STK31: variants seen among roughly 807,000 people sequenced by gnomAD.
STK31 encodes the protein serine/threonine-protein kinase 31.
In STK31, 89 loss-of-function variants were observed where a neutral mutation model predicts 129.7. That is an observed-to-expected ratio of 0.69 (90% CI 0.58 to 0.82). The LOEUF is 0.82. Ranked by LOEUF, STK31 falls within the 40% of genes least tolerant of loss-of-function variation. The pLI is 0.00. For missense variants in STK31, 1,187 were observed against 1,176.4 expected (o/e 1.01, Z -0.13); for synonymous variants, 448 against 395.3 (o/e 1.13, Z -1.58).
chr7:23,761,251 G>A (rs555576734), intron 10 of STK31, among the ~76,000 whole-genome samples: 1 of 151,896 alleles, frequency 6.6e-6, no homozygotes, highest in Admixed American at 6.6e-5. Context: ...CGGACTTAAA[G>A]TTTACTTGAT....
At chr7:23,733,970 G>A (rs866085791) in intron 6 of STK31, among the ~76,000 whole-genome samples, 2 of 151,964 alleles carry the variant, frequency 1.3e-5, no homozygotes, top group Non-Finnish European at 2.9e-5. Context: ...TTCCTACATC[G>A]GTCTCAATTT....
At chr7:23,727,853 C>T (rs1461703533) in intron 5 of STK31, among the ~76,000 whole-genome samples, 1 of 151,910 alleles carries the variant, frequency 6.6e-6, no homozygotes, top group East Asian at 1.9e-4. Context: ...AGCCACTGTG[C>T]CCAGCCTGCC....
chr7:23,715,665 G>T (rs139884572), intron 3 of STK31, among the ~76,000 whole-genome samples: 204 of 152,072 alleles, frequency 1.3e-3, no homozygotes, highest in Admixed American at 3.0e-3. Flanking sequence ...TGATTCCAGG[G>T]GTTTGTTCAC....
intron 10 of STK31, among the ~76,000 whole-genome samples, chr7:23,760,944 G>A (rs996432929): frequency 6.6e-6 from 1 of 152,166 alleles, no homozygotes; most frequent in Non-Finnish European, 1.5e-5. Context: ...GGGATTGCAA[G>A]TGTTAGCTAC....
chr7:23,830,724 A>G (rs1251098626), intron 23 of STK31, among the ~76,000 whole-genome samples: 2 of 151,664 alleles, frequency 1.3e-5, no homozygotes, highest in Non-Finnish European at 2.9e-5. Context: ...GGTACAAGCA[A>G]TTCTCCTGCC....
chr7:23,794,073 T>G lies in STK31; in HGVS notation c.2760+3127T>G, dbSNP rs578174133. On this transcript the variant is annotated intron_variant, in intron 22 of 23. Coordinates refer to ENST00000355870, the MANE Select transcript of STK31 (RefSeq NM_031414.5). The stretch of plus-strand genomic sequence containing the variant: ...GAATAAAACGATTGAACTATAAATA[T>G]AACTCAGTAAGATAGGTGAGTCTTA... Among the ~76,000 whole-genome samples, 3 of 152,314 alleles carry G rather than the reference T, an allele frequency of 2.0e-5. No individual in the cohort carries two copies. The East Asian group carries it at 5.8e-4, about 29-fold the overall frequency.
At position 23,718,541 on chromosome 7, in the gene STK31, T is replaced by G. The variant is rs188745883; in HGVS notation, c.249+962T>G. Among the ~76,000 whole-genome samples, 7 of 152,246 alleles carry G rather than the reference T, an allele frequency of 4.6e-5. No individual in the cohort carries two copies. In the East Asian group the frequency reaches 1.4e-3, roughly 29 times the overall value. ...TCTCCATCAGAGGTATAACCCTCAT[T>G]TTGATACTATCACCATAGATTCGTA... On this transcript the variant is annotated intron_variant, in intron 4 of 23. Transcript: ENST00000355870.
intron 22 of STK31, among the ~76,000 whole-genome samples, chr7:23,792,192 A>C (rs1475754263): frequency 6.6e-6 from 1 of 152,188 alleles, no homozygotes; most frequent in Non-Finnish European, 1.5e-5. Context: ...TGAAGAAATA[A>C]AGCTGTCTTT....
intron 4 of STK31, among the ~76,000 whole-genome samples, chr7:23,724,732 G>A (rs377314564): frequency 2.0e-5 from 3 of 152,208 alleles, no homozygotes; most frequent in Non-Finnish European, 4.4e-5. Flanking sequence ...AGAGAGTACC[G>A]TACTATTACT....
At chr7:23,766,866 C>A (rs1349400396) in intron 11 of STK31, among the ~76,000 whole-genome samples, 1 of 151,946 alleles carries the variant, frequency 6.6e-6, no homozygotes, top group Admixed American at 6.6e-5. Context: ...TGTTTAAAAT[C>A]TTTTTATCTT....
intron 23 of STK31, among the ~76,000 whole-genome samples, chr7:23,831,032 G>A (rs891844274): frequency 1.3e-5 from 2 of 152,122 alleles, no homozygotes; most frequent in East Asian, 3.8e-4. Context: ...TTTGAGCTTT[G>A]TTTTGTGGCT....
At chr7:23,733,944 A>C (rs942013239) in intron 6 of STK31, among the ~76,000 whole-genome samples, 5 of 152,234 alleles carry the variant, frequency 3.3e-5, no homozygotes. Context: ...CCCCATGGCC[A>C]CAAAAAGGTT....
At chr7:23,751,720 A>AT (rs886785159) in intron 8 of STK31, among the ~76,000 whole-genome samples, 21 of 152,026 alleles carry the variant, frequency 1.4e-4, no homozygotes, top group African/African-American at 5.1e-4. Context: ...AGATTTTGTG[A>AT]TTTTTTTAAA....
intron 15 of STK31, among the ~76,000 whole-genome samples, chr7:23,776,974 C>T (rs1042638301): frequency 1.3e-5 from 2 of 152,104 alleles, no homozygotes; most frequent in African/African-American, 4.8e-5. Flanking sequence ...TATAAATTTC[C>T]CTCTAAACAC....
At chr7:23,757,231 A>G (rs1483313948) in intron 10 of STK31, among the ~76,000 whole-genome samples, 1 of 152,022 alleles carries the variant, frequency 6.6e-6, no homozygotes, top group Non-Finnish European at 1.5e-5. Flanking sequence ...GCCCCTGCAC[A>G]CCTGTGGGCG....
At chr7:23,806,392 T>C (rs1036023708) in intron 22 of STK31, among the ~76,000 whole-genome samples, 3 of 152,164 alleles carry the variant, frequency 2.0e-5, no homozygotes, top group Middle Eastern at 3.2e-3. Flanking sequence ...TGCTGTCCTT[T>C]CTTGAGGACC....
At chr7:23,715,636 A>T (rs190945367) in intron 3 of STK31, among the ~76,000 whole-genome samples, 17 of 152,190 alleles carry the variant, frequency 1.1e-4, no homozygotes, top group Admixed American at 9.8e-4. Context: ...GTGAAAAAAT[A>T]TAGTTATATG....
At chr7:23,771,304 ATATTT>A (rs1790177412) in intron 14 of STK31, 180 bp downstream of exon 14, 1 of 485,890 alleles carries the variant, frequency 2.1e-6, no homozygotes, top group East Asian at 4.2e-5. Flanking sequence ...ATTGTTTTAA[ATATTT>A]TATTATGTCC....
At chr7:23,713,330 C>G (rs1937856101) in intron 3 of STK31, among the ~76,000 whole-genome samples, 1 of 152,162 alleles carries the variant, frequency 6.6e-6, no homozygotes, top group African/African-American at 2.4e-5. Context: ...AGGGCACTCA[C>G]CATGAATGGA....
Sources: gnomAD v4.1 joint callset for allele counts (sites outside exome capture counted in the v4.1 genomes callset) on GRCh38, gnomAD v4.1.1 for gene constraint, MANE v1.5 for transcripts, NCBI Gene and HGNC (gene_info 2026-07-23, HGNC 2026-07-21) for gene names.